The following EHD4 variants were observed in gnomAD, a reference collection of about 807,000 sequenced individuals.
The protein encoded by EHD4 is EH domain-containing protein 4.
Under a neutral mutation model 51.0 loss-of-function variants are expected in EHD4, and 37 were observed. The observed-to-expected ratio is 0.73, with a 90% CI of 0.56 to 0.95. The LOEUF (loss-of-function observed/expected upper bound fraction) is 0.95, where lower values mean the gene tolerates loss of function less well. Ranked by LOEUF, EHD4 falls within the 40% of genes least tolerant of loss-of-function variation. The probability of loss-of-function intolerance (pLI) is 0.00; values close to 1 mark genes in which losing one functional copy is unlikely to be tolerated. For missense variants in EHD4, 632 were observed against 733.1 expected (o/e 0.86, Z 1.59); for synonymous variants, 297 against 317.3 (o/e 0.94, Z 0.68).
chr15:41,920,502 G>A (rs1268230816), intron 3 of EHD4, among the ~76,000 whole-genome samples: 1 of 152,210 alleles, frequency 6.6e-6, no homozygotes, highest in African/African-American at 2.4e-5. Flanking sequence ...ATCCAGCCCA[G>A]CTAGTGCTGA....
At chr15:41,945,218 T>C (rs1209613058) in intron 2 of EHD4, among the ~76,000 whole-genome samples, 3 of 152,158 alleles carry the variant, frequency 2.0e-5, no homozygotes, top group Non-Finnish European at 4.4e-5. Flanking sequence ...GCTGATCTTT[T>C]CCCCAAACCA....
intron 1 of EHD4, among the ~76,000 whole-genome samples, chr15:41,954,439 T>C (rs2067873416): frequency 6.6e-6 from 1 of 152,180 alleles, no homozygotes; most frequent in Non-Finnish European, 1.5e-5. Context: ...TAACAATCTA[T>C]TTGGTCCTAA....
At position 41,941,474 on chromosome 15, in the gene EHD4, T is replaced by A. The variant is rs954867085; in HGVS notation, c.511+1593A>T. The A allele has an allele frequency of 5.3e-5, 8 of 152,240 alleles. No homozygotes were observed. The East Asian group carries it at 5.8e-4, about 11-fold the overall frequency. 9.4% of individuals were successfully genotyped at this position (152,240 alleles called of 1,614,324 possible). On this transcript the variant is annotated intron_variant, in intron 3 of 5. Transcript: ENST00000220325. ...TGTTAAATGTGACAGTGAGTTTTTTTTAAATTCTTATTCATTGACTGAATC... is the reference window on the plus strand; with the variant it reads ...TGTTAAATGTGACAGTGAGTTTTTTATAAATTCTTATTCATTGACTGAATC...
At position 41,909,854 on chromosome 15, in the gene EHD4, A is replaced by C. The variant is rs2067537329; in HGVS notation, c.934T>G (p.Tyr312Asp). 6.2e-7 allele frequency: 1 copy of C among 1,614,076 alleles called. No homozygotes were observed. Among genetic ancestry groups the C allele is most frequent in the Admixed American group, 1.7e-5 (1 of 60,008 alleles). Residue 312 changes from tyrosine (Y) to aspartate (D), a missense_variant, in exon 5 of 6, where the codon TAC (tyrosine) becomes GAC (aspartate). Transcript: ENST00000220325. ...TCCTTCTTCAGGTAGCTGATGATGT[A>C]GGCATGCACCTGGAGGGGTATAGAT... is the stretch of plus-strand genomic sequence containing the variant. ...KRARLAKVHA[Y>D]IISYLKKEMP...
At chr15:41,913,099 A>C (rs1182632978) in intron 4 of EHD4, among the ~76,000 whole-genome samples, 1 of 152,148 alleles carries the variant, frequency 6.6e-6, no homozygotes, top group African/African-American at 2.4e-5. Flanking sequence ...CACACATCAA[A>C]CACGGACACA....
At chr15:41,906,351 C>T (rs1023681373) in intron 5 of EHD4, among the ~76,000 whole-genome samples, 5 of 152,232 alleles carry the variant, frequency 3.3e-5, no homozygotes, top group Non-Finnish European at 7.3e-5. Flanking sequence ...CCAGACTCAG[C>T]CACACTGGGG....
At chr15:41,917,593 G>T (rs753551575) in intron 4 of EHD4, among the ~76,000 whole-genome samples, 10 of 152,184 alleles carry the variant, frequency 6.6e-5, no homozygotes, top group Non-Finnish European at 1.3e-4. Flanking sequence ...CTAATGTGGG[G>T]TGTCACACAC....
chr15:41,927,277 T>G (rs993997925), intron 3 of EHD4, among the ~76,000 whole-genome samples: 9 of 152,232 alleles, frequency 5.9e-5, no homozygotes, highest in Non-Finnish European at 7.3e-5. Flanking sequence ...AACTATCATA[T>G]CATCCAGCAA....
chr15:41,922,412 A>C (rs543134421), intron 3 of EHD4, among the ~76,000 whole-genome samples: 12 of 152,256 alleles, frequency 7.9e-5, no homozygotes, highest in Admixed American at 2.0e-4. Context: ...AAAACAAACA[A>C]AACCACAATT....
At chr15:41,970,730 T>C (rs1278160447) in intron 1 of EHD4, among the ~76,000 whole-genome samples, 2 of 152,136 alleles carry the variant, frequency 1.3e-5, no homozygotes, top group South Asian at 2.1e-4. Flanking sequence ...CAGGAGGAAA[T>C]GCCTAGGGTG....
chr15:41,962,729 G>A (rs1219913109), intron 1 of EHD4, among the ~76,000 whole-genome samples: 1 of 152,068 alleles, frequency 6.6e-6, no homozygotes, highest in Non-Finnish European at 1.5e-5. Flanking sequence ...GGGCGCCTCT[G>A]CCCAGCCACC....
At chr15:41,944,245 C>A (rs542028370) in intron 2 of EHD4, among the ~76,000 whole-genome samples, 5 of 152,326 alleles carry the variant, frequency 3.3e-5, no homozygotes, top group Admixed American at 6.5e-5. Flanking sequence ...AGCTTTCAGA[C>A]TGAGTAACTC....
At chr15:41,927,457 G>A (rs763354045) in intron 3 of EHD4, among the ~76,000 whole-genome samples, 9 of 152,226 alleles carry the variant, frequency 5.9e-5, no homozygotes, top group Non-Finnish European at 8.8e-5. Flanking sequence ...ATCCATCAGT[G>A]AATGAACGGA....
intron 1 of EHD4, among the ~76,000 whole-genome samples, chr15:41,970,208 C>T (rs1428452399): frequency 6.6e-6 from 1 of 152,222 alleles, no homozygotes; most frequent in Non-Finnish European, 1.5e-5. Flanking sequence ...CAATTCAGGT[C>T]TCCTGTGGCC....
intron 5 of EHD4, among the ~76,000 whole-genome samples, chr15:41,901,779 T>C (rs1189403636): frequency 6.6e-6 from 1 of 152,158 alleles, no homozygotes; most frequent in African/African-American, 2.4e-5. Flanking sequence ...TAACCTCTTA[T>C]GAATGAGCTG....
chr15:41,909,887 G>A (rs759599419), intron 4 of EHD4, 24 bp from the exon 5 acceptor site: 1 of 1,613,174 alleles, frequency 6.2e-7, no homozygotes, highest in Non-Finnish European at 8.5e-7. Flanking sequence ...GATCAGGCAG[G>A]GAAGTGTCAT....
intron 4 of EHD4, among the ~76,000 whole-genome samples, chr15:41,918,127 C>T (rs2067597673): frequency 6.6e-6 from 1 of 152,154 alleles, no homozygotes; most frequent in African/African-American, 2.4e-5. Context: ...CCCTCCCTGC[C>T]TCCTGGCCAG....
rs979126133 is a variant in EHD4 at position 41,951,048 on chromosome 15, G to C, written c.413+2716C>G. 2.0e-5 allele frequency among the ~76,000 whole-genome samples: 3 copies of C among 151,762 alleles called. No homozygotes were observed. In the East Asian group the frequency reaches 5.8e-4, roughly 29 times the overall value. Reference sequence around the variant, plus strand: ...AACCCTAACCCTAAGAGTTAAATAGGGGGCACTGGGCAGTGATTCCCAGTC... The same window carrying C: ...AACCCTAACCCTAAGAGTTAAATAGCGGGCACTGGGCAGTGATTCCCAGTC... On this transcript the variant is annotated intron_variant, in intron 2 of 5. Transcript: ENST00000220325.
rs2067454962 is a variant in EHD4, at chr15:41,898,611, G to A, written c.*2034C>T. 1 of 152,144 alleles carries A rather than the reference G, an allele frequency of 6.6e-6. No homozygotes were observed. Among genetic ancestry groups the A allele is most frequent in the South Asian group, 2.1e-4 (1 of 4,822 alleles). 9.4% of individuals were successfully genotyped at this position (152,144 alleles called of 1,614,324 possible). ...TTACAGCACTTTGGGAGGCCGAGGT[G>A]GGTAGATCACGAGGTCAGGAGATCG... On this transcript the variant is annotated 3_prime_UTR_variant, in exon 6 of 6. Transcript: ENST00000220325.
Sources: allele counts gnomAD v4.1 joint callset (sites outside exome capture counted in the v4.1 genomes callset), GRCh38; gene constraint gnomAD v4.1.1; transcripts MANE v1.5; gene names NCBI Gene and HGNC (gene_info 2026-07-23, HGNC 2026-07-21).